Variants in FHDC1 observed in about 807,000 individuals in gnomAD.
The protein encoded by FHDC1 is FH2 domain containing 1.
FHDC1 carries 25 observed loss-of-function variants against 52.6 expected under a neutral mutation model. The observed-to-expected ratio is 0.48, with a 90% CI of 0.35 to 0.66. The LOEUF is 0.66. Ranked by LOEUF, FHDC1 falls within the 30% of genes least tolerant of loss-of-function variation. The pLI is 0.01. For synonymous variants in FHDC1, 616 were observed against 581.5 expected (o/e 1.06, Z -0.85); for missense variants, 1,459 against 1,452.8 (o/e 1.00, Z -0.07).
At chr4:152,925,000 T>G in the FHDC1 span, among the ~76,000 whole-genome samples, 3 of 110,706 alleles carry the variant, frequency 2.7e-5, no homozygotes, top group Non-Finnish European at 5.9e-5. Flanking sequence ...CCCTAAAACT[T>G]AAAGTATAAT....
At chr4:152,964,826 A>C (rs1740410326) in intron 8 of FHDC1, 79 bp from the exon 9 acceptor site, 2 of 1,192,460 alleles carry the variant, frequency 1.7e-6, no homozygotes, top group Non-Finnish European at 2.4e-6. Flanking sequence ...AGTGATTTTA[A>C]GATTCCTTTA....
chr4:152,914,944 T>C, the FHDC1 span, among the ~76,000 whole-genome samples: 1 of 151,952 alleles, frequency 6.6e-6, no homozygotes, highest in African/African-American at 2.4e-5. Flanking sequence ...AGAGGAAAGG[T>C]AACTTTAATC....
intron 9 of FHDC1, among the ~76,000 whole-genome samples, chr4:152,966,534 A>G (rs1740460637): frequency 6.6e-6 from 1 of 151,980 alleles, no homozygotes; most frequent in South Asian, 2.1e-4. Flanking sequence ...ATCTTGGCTC[A>G]TTGTAATCTC....
the FHDC1 span, among the ~76,000 whole-genome samples, chr4:152,917,723 T>C: frequency 6.6e-6 from 1 of 152,248 alleles, no homozygotes; most frequent in African/African-American, 2.4e-5. Flanking sequence ...GAGTATTTGC[T>C]GAATGACTGG....
Position 152,964,983 on chromosome 4 carries a change from A to C in FHDC1, c.1100+8A>C. ...TGTTCAGAAGACTGCTAGGTGAGCA[A>C]GTGAATTGTGAGAATTCAAGATTCT... On this transcript the variant is annotated splice_region_variant and intron_variant, in intron 9 of 11. Coordinates refer to ENST00000511601, the MANE Select transcript of FHDC1 (RefSeq NM_001371116.1). The C allele has an allele frequency of 6.2e-7, 1 of 1,603,596 alleles. No homozygotes were observed. The highest frequency in any genetic ancestry group is 8.5e-7 in the Non-Finnish European group (1 of 1,176,278).
chr4:152,964,582 C>A (rs1740402638), intron 8 of FHDC1, among the ~76,000 whole-genome samples: 1 of 152,200 alleles, frequency 6.6e-6, no homozygotes, highest in Non-Finnish European at 1.5e-5. Context: ...CATTTAAAGG[C>A]ATGCTCACAG....
Position 152,973,701 on chromosome 4 carries a change from C to T in FHDC1, c.1384-974C>T, listed in dbSNP as rs568408776. Among the ~76,000 whole-genome samples the T allele has an allele frequency of 8.3e-4, 127 of 152,368 alleles. 1 individual carries two copies. Among genetic ancestry groups the T allele is most frequent in the Non-Finnish European group, 1.5e-3 (99 of 68,036 alleles). ...CCAAGAGTCCCCGGCTAGAGCCCCA[C>T]AGAAACTTGGAAGGGAAAGGCCATC... is the stretch of plus-strand genomic sequence containing the variant. On this transcript the variant is annotated intron_variant, in intron 11 of 11. Transcript: ENST00000511601.
intron 2 of FHDC1, among the ~76,000 whole-genome samples, chr4:152,950,194 G>A (rs1165207709): frequency 6.6e-6 from 1 of 152,160 alleles, no homozygotes; most frequent in Non-Finnish European, 1.5e-5. Context: ...AACCCGACCC[G>A]ACTTTGTTTC....
chr4:152,919,260 T>G, the FHDC1 span, among the ~76,000 whole-genome samples: 2 of 152,244 alleles, frequency 1.3e-5, no homozygotes, highest in African/African-American at 4.8e-5. Context: ...AAGACAGGCT[T>G]GCCCTTAAAC....
chr4:152,924,240 C>G, the FHDC1 span, among the ~76,000 whole-genome samples: 1 of 152,104 alleles, frequency 6.6e-6, no homozygotes, highest in East Asian at 1.9e-4. Context: ...ATTTATGCAG[C>G]CAAAAAACAC....
At chr4:152,949,124 T>TAATAATAATAAGAAG (rs1347590282) in intron 2 of FHDC1, among the ~76,000 whole-genome samples, 54 of 74,688 alleles carry the variant, frequency 7.2e-4, no homozygotes, top group East Asian at 1.4e-3. Context: ...ATAATAATAA[T>TAATAATAATAAGAAG]AAGAAGAAGA....
At chr4:152,920,361 G>C in the FHDC1 span, among the ~76,000 whole-genome samples, 2 of 152,232 alleles carry the variant, frequency 1.3e-5, no homozygotes, top group Non-Finnish European at 2.9e-5. Context: ...GTTATCTCAA[G>C]AACTTTGGCT....
chr4:152,951,561 A>G (rs79354823), intron 2 of FHDC1, among the ~76,000 whole-genome samples: 1,984 of 152,228 alleles, frequency 0.013, 42 homozygotes, highest in African/African-American at 0.044. Context: ...ACTCTTGTAA[A>G]AATTTAACCT....
intron 1 of FHDC1, among the ~76,000 whole-genome samples, chr4:152,937,485 G>C (rs1387824398): frequency 6.6e-6 from 1 of 152,024 alleles, no homozygotes; most frequent in Non-Finnish European, 1.5e-5. Flanking sequence ...GGGGAGGGGG[G>C]CGGGGCCGAG....
At chr4:152,937,837 C>T (rs1366219337) in intron 1 of FHDC1, among the ~76,000 whole-genome samples, 1 of 152,166 alleles carries the variant, frequency 6.6e-6, no homozygotes, top group Non-Finnish European at 1.5e-5. Flanking sequence ...AGCGCGGCTC[C>T]CCGGGGATTC....
intron 9 of FHDC1, among the ~76,000 whole-genome samples, chr4:152,966,818 C>T (rs2149956210): frequency 6.6e-6 from 1 of 152,266 alleles, no homozygotes; most frequent in Admixed American, 6.5e-5. Context: ...ATCAATCCAA[C>T]TGTTAATTTG....
the FHDC1 span, among the ~76,000 whole-genome samples, chr4:152,924,554 T>C: frequency 5.9e-5 from 9 of 152,262 alleles, no homozygotes; most frequent in African/African-American, 1.9e-4. Context: ...TAAAGACACA[T>C]GCACACGTAT....
intron 4 of FHDC1, among the ~76,000 whole-genome samples, chr4:152,956,714 T>C (rs1740095581): frequency 6.6e-6 from 1 of 152,212 alleles, no homozygotes; most frequent in Non-Finnish European, 1.5e-5. Flanking sequence ...TCCCAGCCAC[T>C]GAACCAGGCA....
chr4:152,963,769 GTTTT>G (rs58783965), intron 8 of FHDC1, among the ~76,000 whole-genome samples: 9 of 51,800 alleles, frequency 1.7e-4, no homozygotes, highest in Non-Finnish European at 2.6e-4. Flanking sequence ...CCATTGCTTT[GTTTT>G]TTTTTTTTTT....
Sources: allele counts gnomAD v4.1 joint callset (sites outside exome capture counted in the v4.1 genomes callset), GRCh38; gene constraint gnomAD v4.1.1; transcripts MANE v1.5; gene names NCBI Gene and HGNC (gene_info 2026-07-23, HGNC 2026-07-21).